The following CNOT10 variants were observed in gnomAD, a reference collection of about 807,000 sequenced individuals.
The protein encoded by CNOT10 is CCR4-NOT transcription complex subunit 10.
A neutral mutation model predicts 94.6 loss-of-function variants in CNOT10; 30 were observed. That is an observed-to-expected ratio of 0.32 (90% CI 0.24 to 0.43). The LOEUF (loss-of-function observed/expected upper bound fraction) is 0.43, where lower values mean the gene tolerates loss of function less well. CNOT10 is among the 20% of genes least tolerant of loss of function. CNOT10 has a pLI of 1.00. For synonymous variants in CNOT10, 289 were observed against 301.6 expected, an observed-to-expected ratio of 0.96 and a Z score of 0.43; for missense variants, 759 against 877.2, an observed-to-expected ratio of 0.87 and a Z score of 1.70.
intron 13 of CNOT10, among the ~76,000 whole-genome samples, chr3:32,738,116 GTC>G (rs2125586688): frequency 6.6e-6 from 1 of 152,254 alleles, no homozygotes; most frequent in African/African-American, 2.4e-5. Flanking sequence ...TTCTGCAAGA[GTC>G]TGTGTAAGAT....
At chr3:32,747,112 G>T (rs1699734766) in intron 13 of CNOT10, among the ~76,000 whole-genome samples, 1 of 151,442 alleles carries the variant, frequency 6.6e-6, no homozygotes, top group Admixed American at 6.6e-5. Context: ...GCAAGACTCT[G>T]TCTCAAAAAA....
chr3:32,685,969 G>A (rs1323132884), intron 1 of CNOT10, among the ~76,000 whole-genome samples: 2 of 152,000 alleles, frequency 1.3e-5, no homozygotes, highest in African/African-American at 4.8e-5. Context: ...GACGGGCGGG[G>A]GTCTCGCTAT....
At chr3:32,763,168 T>C (rs773383868) in intron 15 of CNOT10, among the ~76,000 whole-genome samples, 20 of 152,134 alleles carry the variant, frequency 1.3e-4, no homozygotes, top group Non-Finnish European at 2.1e-4. Context: ...AGTAAAAATA[T>C]TGCATTCAAG....
chr3:32,692,074 T>C (rs1000079858), intron 1 of CNOT10, among the ~76,000 whole-genome samples: 2 of 142,302 alleles, frequency 1.4e-5, no homozygotes, highest in African/African-American at 2.6e-5. Context: ...AAAAAGCCAA[T>C]TTCCCGCCAG....
At chr3:32,739,480 A>G (rs1331499002) in intron 13 of CNOT10, among the ~76,000 whole-genome samples, 1 of 152,084 alleles carries the variant, frequency 6.6e-6, no homozygotes, top group Non-Finnish European at 1.5e-5. Context: ...TCCTTCCACA[A>G]ACAGTTATGT....
At chr3:32,771,244 T>C (rs986929760) in intron 18 of CNOT10, among the ~76,000 whole-genome samples, 2 of 151,876 alleles carry the variant, frequency 1.3e-5, no homozygotes, top group African/African-American at 2.4e-5. Context: ...GGAGGATCAC[T>C]TGAGCCCTGG....
intron 10 of CNOT10, among the ~76,000 whole-genome samples, chr3:32,731,676 C>T (rs1346703391): frequency 6.6e-6 from 1 of 152,114 alleles, no homozygotes; most frequent in Non-Finnish European, 1.5e-5. Flanking sequence ...GGAGTTTCAC[C>T]ACATTGCCCA....
At chr3:32,725,387 C>A (rs911382142) in intron 8 of CNOT10, 63 bp from the exon 9 acceptor site, 18 of 1,302,764 alleles carry the variant, frequency 1.4e-5, no homozygotes, top group Non-Finnish European at 1.9e-5. Flanking sequence ...GAGCCCAATT[C>A]TTGTCTGAGG....
At chr3:32,687,452 GTTTTT>G (rs56091219) in intron 1 of CNOT10, among the ~76,000 whole-genome samples, 1 of 60,428 alleles carries the variant, frequency 1.7e-5, no homozygotes, top group African/African-American at 5.7e-5. Context: ...TTTTTTTTTT[GTTTTT>G]TTTTTTTTTT....
intron 15 of CNOT10, 47 bp downstream of exon 15, chr3:32,762,910 C>A: frequency 6.9e-7 from 1 of 1,457,150 alleles, no homozygotes. Flanking sequence ...TTTCCATTTC[C>A]CTCCTGTCAT....
chr3:32,754,872 T>C (rs1455585854), intron 13 of CNOT10, among the ~76,000 whole-genome samples: 2 of 149,032 alleles, frequency 1.3e-5, no homozygotes, highest in Non-Finnish European at 3.0e-5. Flanking sequence ...GCCTGTGGGG[T>C]AGCCCTGTTC....
chr3:32,725,639 C>A (rs1698633887), intron 9 of CNOT10, 40 bp downstream of exon 9: 11 of 1,539,820 alleles, frequency 7.1e-6, no homozygotes, highest in Middle Eastern at 1.7e-4. Flanking sequence ...TTTACTACTT[C>A]AGAAAAGCAT....
intron 18 of CNOT10, among the ~76,000 whole-genome samples, chr3:32,770,753 C>A (rs1202663732): frequency 6.6e-6 from 1 of 151,206 alleles, no homozygotes; most frequent in Non-Finnish European, 1.5e-5. Flanking sequence ...GTCACCCAGG[C>A]TGGAGTGCAG....
chr3:32,712,632 G>A (rs1448009046), intron 4 of CNOT10, among the ~76,000 whole-genome samples: 1 of 152,100 alleles, frequency 6.6e-6, no homozygotes, highest in Non-Finnish European at 1.5e-5. Context: ...GATCACTTGA[G>A]CTCAGGAGCT....
chr3:32,717,477 T>C (rs1307720392), intron 7 of CNOT10, among the ~76,000 whole-genome samples: 1 of 152,108 alleles, frequency 6.6e-6, no homozygotes, highest in Non-Finnish European at 1.5e-5. Context: ...CCATTTTAAA[T>C]AACTGCCTAT....
chr3:32,748,131 T>C (rs1204348603), intron 13 of CNOT10, among the ~76,000 whole-genome samples: 1 of 152,210 alleles, frequency 6.6e-6, no homozygotes, highest in African/African-American at 2.4e-5. Context: ...GCATCGAAAT[T>C]ACAGGTGTGA....
At position 32,685,354 on chromosome 3, in the gene CNOT10, C is replaced by A. The variant is rs1277041306; in HGVS notation, c.-107C>A. 2 of 1,359,338 alleles carry A rather than the reference C, an allele frequency of 1.5e-6. No homozygotes were observed. Among genetic ancestry groups the A allele is most frequent in the Non-Finnish European group, 2.0e-6 (2 of 978,572 alleles). 84.2% of individuals were successfully genotyped at this position (1,359,338 alleles called of 1,614,324 possible). ...TAGCCGGAACCTGGGGGCCCGGAGC[C>A]GGGGTAGGCACAGAGTTGTCCTCGG... On this transcript the variant is annotated 5_prime_UTR_variant, in exon 1 of 19. Transcript: ENST00000328834.
chr3:32,695,941 G>A (rs1203397717), intron 1 of CNOT10: 30 of 760,250 alleles, frequency 3.9e-5, no homozygotes, highest in Non-Finnish European at 5.8e-5. Flanking sequence ...AATACACAAG[G>A]AAAATAAAAA....
At chr3:32,699,044 C>T (rs1465433952) in intron 1 of CNOT10, among the ~76,000 whole-genome samples, 1 of 152,170 alleles carries the variant, frequency 6.6e-6, no homozygotes, top group Non-Finnish European at 1.5e-5. Context: ...CGTTGGCCTC[C>T]CAAAATGCTG....
Sources: gnomAD v4.1 joint callset for allele counts (sites outside exome capture counted in the v4.1 genomes callset) on GRCh38, gnomAD v4.1.1 for gene constraint, MANE v1.5 for transcripts, NCBI Gene and HGNC (gene_info 2026-07-23, HGNC 2026-07-21) for gene names.